DPP10: variants seen among roughly 807,000 people sequenced by gnomAD.
DPP10 encodes the protein inactive dipeptidyl peptidase 10.
In DPP10, 33 loss-of-function variants were observed where a neutral mutation model predicts 120.9. The ratio of observed to expected loss-of-function variants is 0.27; its 90% confidence interval spans 0.21 to 0.37. The LOEUF (loss-of-function observed/expected upper bound fraction) is 0.37. Among genes scored for constraint, DPP10 ranks in the 10% least tolerant of loss-of-function variants. The pLI is 1.00. For missense variants in DPP10, 816 were observed against 942.8 expected (o/e 0.87, Z 1.76); for synonymous variants, 337 against 326.1 (o/e 1.03, Z -0.36).
At chr2:115,244,231 TATATATATAGAG>T (rs1226805208) in intron 1 of DPP10, among the ~76,000 whole-genome samples, 7 of 39,360 alleles carry the variant, frequency 1.8e-4, no homozygotes, top group East Asian at 9.5e-4. Context: ...TATATATATA[TATATATATAGAG>T]AGAGAGAGAG....
At chr2:115,140,746 A>C (rs1004538607) in intron 1 of DPP10, among the ~76,000 whole-genome samples, 3 of 152,142 alleles carry the variant, frequency 2.0e-5, no homozygotes, top group African/African-American at 7.2e-5. Flanking sequence ...AAGTGAAGAG[A>C]AGTAATCCAT....
chr2:115,046,030 G>C (rs1705045991), intron 1 of DPP10, among the ~76,000 whole-genome samples: 2 of 151,980 alleles, frequency 1.3e-5, no homozygotes, highest in African/African-American at 4.8e-5. Context: ...GTGTGTGTGT[G>C]TGTGTGTTGC....
chr2:115,064,207 T>A (rs1423688032), intron 1 of DPP10, among the ~76,000 whole-genome samples: 3 of 152,198 alleles, frequency 2.0e-5, no homozygotes, highest in Non-Finnish European at 4.4e-5. Context: ...TAACTCATGT[T>A]TATTATGCCT....
rs1275345978 is a variant in DPP10 at position 115,538,276 on chromosome 2, G to A, written c.441+12304G>A. ...ATACTAGTTAGGTGTAGTGAGGTTA[G>A]GTGGCTTTGAAGCTGGCTGAATAGC... On this transcript the variant is annotated intron_variant, in intron 5 of 25. Transcript: ENST00000410059. Among the ~76,000 whole-genome samples, 10 of 152,064 alleles carry A rather than the reference G, an allele frequency of 6.6e-5. No homozygotes were observed. The South Asian group carries it at 1.9e-3, about 28-fold the overall frequency.
intron 1 of DPP10, among the ~76,000 whole-genome samples, chr2:114,772,130 G>A (rs1558725487): frequency 6.6e-6 from 1 of 150,968 alleles, no homozygotes; most frequent in African/African-American, 2.4e-5. Context: ...AAATCTTTAT[G>A]TCCTTATTTT....
intron 1 of DPP10, among the ~76,000 whole-genome samples, chr2:114,642,218 T>C (rs1448895649): frequency 6.6e-6 from 1 of 151,844 alleles, no homozygotes; most frequent in Non-Finnish European, 1.5e-5. Flanking sequence ...CTCCTTAATA[T>C]AGATAATATA....
intron 1 of DPP10, among the ~76,000 whole-genome samples, chr2:114,980,151 A>G (rs191854022): frequency 2.0e-5 from 3 of 152,240 alleles, no homozygotes; most frequent in Non-Finnish European, 2.9e-5. Context: ...CAGGATGTAC[A>G]ACATAATGTT....
At chr2:115,684,882 A>G (rs1409498779) in intron 5 of DPP10, among the ~76,000 whole-genome samples, 1 of 151,968 alleles carries the variant, frequency 6.6e-6, no homozygotes, top group Non-Finnish European at 1.5e-5. Context: ...TAATCAATTA[A>G]TTCATACATA....
At chr2:115,070,874 A>G (rs1488059746) in intron 1 of DPP10, among the ~76,000 whole-genome samples, 1 of 152,176 alleles carries the variant, frequency 6.6e-6, no homozygotes, top group Non-Finnish European at 1.5e-5. Flanking sequence ...TTTATTTATC[A>G]TTGCACTTAG....
intron 5 of DPP10, among the ~76,000 whole-genome samples, chr2:115,615,409 C>T (rs1045769301): frequency 7.9e-5 from 12 of 152,122 alleles, no homozygotes; most frequent in Non-Finnish European, 1.5e-4. Context: ...ATTCGATGGA[C>T]TTACTATAAA....
chr2:114,773,149 A>G (rs1326589173), intron 1 of DPP10, among the ~76,000 whole-genome samples: 2 of 152,202 alleles, frequency 1.3e-5, no homozygotes, highest in Non-Finnish European at 2.9e-5. Context: ...CTTTTATGTG[A>G]CATTACTGAA....
At chr2:115,480,200 G>A (rs1238143859) in intron 3 of DPP10, among the ~76,000 whole-genome samples, 1 of 151,988 alleles carries the variant, frequency 6.6e-6, no homozygotes, top group African/African-American at 2.4e-5. Flanking sequence ...TATGATGTTA[G>A]TCCACTTAAT....
chr2:115,405,396 T>C lies in DPP10; in HGVS notation c.271+61484T>C, dbSNP rs1559553146. Among the ~76,000 whole-genome samples, 6 of 152,144 alleles carry C rather than the reference T, an allele frequency of 3.9e-5. No homozygotes were observed. In the South Asian group the frequency reaches 1.2e-3, roughly 32 times the overall value. The stretch of plus-strand genomic sequence containing the variant: ...TCGGACAGGCCCACCTCCAAGACTT[T>C]GCTGGGTGTAGCCCGTGTGGCTACT... On this transcript the variant is annotated intron_variant, in intron 3 of 25. Coordinates refer to ENST00000410059, the MANE Select transcript of DPP10 (RefSeq NM_020868.6).
intron 1 of DPP10, among the ~76,000 whole-genome samples, chr2:115,117,922 A>C (rs889848086): frequency 2.6e-5 from 4 of 152,184 alleles, no homozygotes; most frequent in African/African-American, 9.7e-5. Context: ...ATGGATGAAC[A>C]TCTAAGAGGG....
At chr2:115,183,927 C>T (rs1261843139) in intron 1 of DPP10, among the ~76,000 whole-genome samples, 2 of 152,208 alleles carry the variant, frequency 1.3e-5, no homozygotes, top group East Asian at 1.9e-4. Context: ...CTAAAAGTGT[C>T]CATGGAAAGA....
intron 3 of DPP10, among the ~76,000 whole-genome samples, chr2:115,415,082 A>C (rs2069271702): frequency 6.6e-6 from 1 of 152,184 alleles, no homozygotes; most frequent in Non-Finnish European, 1.5e-5. Flanking sequence ...CTTATGCTGC[A>C]AACTGTGATC....
intron 3 of DPP10, among the ~76,000 whole-genome samples, chr2:115,484,826 G>C (rs899512749): frequency 6.6e-6 from 1 of 152,108 alleles, no homozygotes; most frequent in Non-Finnish European, 1.5e-5. Context: ...GCAATAAATA[G>C]TCCTTTAGTT....
At chr2:114,783,269 T>C (rs1196990429) in intron 1 of DPP10, among the ~76,000 whole-genome samples, 4 of 151,996 alleles carry the variant, frequency 2.6e-5, no homozygotes, top group Non-Finnish European at 5.9e-5. Flanking sequence ...CTTAAAGAAA[T>C]GTAACCTAGA....
chr2:115,499,413 T>A, intron 3 of DPP10, 97 bp from the exon 4 acceptor site: 1 of 925,686 alleles, frequency 1.1e-6, no homozygotes, highest in Non-Finnish European at 1.7e-6. Context: ...AAATGATTAT[T>A]CTAATGTGTC....
Sources: gnomAD v4.1 joint callset for allele counts (sites outside exome capture counted in the v4.1 genomes callset) on GRCh38, gnomAD v4.1.1 for gene constraint, MANE v1.5 for transcripts, NCBI Gene and HGNC (gene_info 2026-07-23, HGNC 2026-07-21) for gene names.